The following OSBPL1A variants were observed in gnomAD, a reference collection of about 807,000 sequenced individuals.
OSBPL1A encodes oxysterol binding protein like 1A.
A neutral mutation model predicts 137.1 loss-of-function variants in OSBPL1A; 80 were observed. The observed-to-expected ratio is 0.58, with a 90% CI of 0.49 to 0.70. OSBPL1A has a LOEUF of 0.70. Ranked by LOEUF, OSBPL1A falls within the 30% of genes least tolerant of loss-of-function variation. The pLI is 0.00. For synonymous variants in OSBPL1A, 365 were observed against 389.7 expected, an observed-to-expected ratio of 0.94 and a Z score of 0.75; for missense variants, 970 against 1,129.4, an observed-to-expected ratio of 0.86 and a Z score of 2.02.
chr18:24,221,410 G>A (rs1211628893), intron 17 of OSBPL1A, among the ~76,000 whole-genome samples: 1 of 152,140 alleles, frequency 6.6e-6, no homozygotes, highest in Non-Finnish European at 1.5e-5. Flanking sequence ...AAACCTCTCA[G>A]GTTCTTAGCC....
intron 24 of OSBPL1A, among the ~76,000 whole-genome samples, chr18:24,168,554 T>A (rs1383400522): frequency 6.6e-6 from 1 of 152,044 alleles, no homozygotes; most frequent in Non-Finnish European, 1.5e-5. Flanking sequence ...CGAGGAGAGG[T>A]CACGACCGCT....
intron 27 of OSBPL1A, among the ~76,000 whole-genome samples, chr18:24,164,260 C>T (rs1170716389): frequency 6.6e-6 from 1 of 151,882 alleles, no homozygotes; most frequent in African/African-American, 2.4e-5. Context: ...ATGAGGGAAA[C>T]GTGAATAAAA....
intron 14 of OSBPL1A, among the ~76,000 whole-genome samples, chr18:24,291,348 A>G (rs530966042): frequency 3.1e-4 from 47 of 152,306 alleles, no homozygotes; most frequent in African/African-American, 1.1e-3. Context: ...AATTTCTAGA[A>G]TTATAAAATA....
chr18:24,350,067 T>C (rs1339362106), intron 4 of OSBPL1A, among the ~76,000 whole-genome samples: 1 of 152,204 alleles, frequency 6.6e-6, no homozygotes, highest in Non-Finnish European at 1.5e-5. Context: ...ATTTTTTAGC[T>C]CGGCATATGG....
In OSBPL1A at chr18:24,264,700, T is replaced by C. The variant is rs138961820; in HGVS notation, c.1281+16142A>G. ...GCCATCTGCTTATCTTATTTCTAAA[T>C]GTGGCATCCTTTGGTCAAATTGAGA... On this transcript the variant is annotated intron_variant, in intron 15 of 27. Transcript: ENST00000319481. Among the ~76,000 whole-genome samples, 731 of 152,346 alleles carry C rather than the reference T, an allele frequency of 4.8e-3. 6 individuals carry two copies. Among genetic ancestry groups the C allele is most frequent in the African/African-American group, 0.017 (706 of 41,584 alleles).
chr18:24,304,305 T>C (rs1012003369), intron 13 of OSBPL1A, among the ~76,000 whole-genome samples: 1 of 152,188 alleles, frequency 6.6e-6, no homozygotes, highest in South Asian at 2.1e-4. Context: ...AATTTGAAAG[T>C]TCTACATTTT....
chr18:24,323,539 C>CTTTTTTTTTTTT (rs763234169), intron 7 of OSBPL1A, among the ~76,000 whole-genome samples: 11 of 35,154 alleles, frequency 3.1e-4, no homozygotes, highest in East Asian at 1.7e-3. Context: ...GAGGCTTTTT[C>CTTTTTTTTTTTT]TTTTTTTTTT....
At chr18:24,372,191 C>T (rs1012786606) in intron 2 of OSBPL1A, among the ~76,000 whole-genome samples, 24 of 151,582 alleles carry the variant, frequency 1.6e-4, no homozygotes, top group African/African-American at 5.8e-4. Flanking sequence ...GGGAGGATCA[C>T]TTGAGCCTGG....
At chr18:24,297,672 T>C (rs376727779) in intron 14 of OSBPL1A, among the ~76,000 whole-genome samples, 1 of 152,244 alleles carries the variant, frequency 6.6e-6, no homozygotes, top group East Asian at 1.9e-4. Flanking sequence ...AAACATATTA[T>C]TTAATTTCCA....
intron 7 of OSBPL1A, among the ~76,000 whole-genome samples, chr18:24,321,254 A>C (rs957968870): frequency 1.3e-5 from 2 of 152,164 alleles, no homozygotes; most frequent in Non-Finnish European, 1.5e-5. Context: ...TTGTGCAACT[A>C]TCACATGCTT....
In OSBPL1A at chr18:24,167,320, C is replaced by G; in HGVS notation, c.2535+9G>C. On this transcript the variant is annotated intron_variant, in intron 25 of 27. Transcript: ENST00000319481. The stretch of plus-strand genomic sequence containing the variant: ...ACAGTGAGGCCACAGCCAGCAAGCC[C>G]AGTCTCACCTGGGCAGAATTTGGAG... The G allele has an allele frequency of 6.2e-7, 1 of 1,611,090 alleles. No individual in the cohort carries two copies. The highest frequency in any genetic ancestry group is 1.1e-5 in the South Asian group (1 of 91,028).
At chr18:24,334,939 G>C (rs1364766127) in intron 5 of OSBPL1A, among the ~76,000 whole-genome samples, 1 of 152,154 alleles carries the variant, frequency 6.6e-6, no homozygotes, top group African/African-American at 2.4e-5. Context: ...GCCCAGGCTG[G>C]AGTGCAGTGG....
chr18:24,173,658 C>A (rs563837629), intron 21 of OSBPL1A, among the ~76,000 whole-genome samples: 1 of 152,210 alleles, frequency 6.6e-6, no homozygotes, highest in Non-Finnish European at 1.5e-5. Flanking sequence ...GGTGATCCAC[C>A]CGCCTTGGCC....
intron 13 of OSBPL1A, among the ~76,000 whole-genome samples, chr18:24,309,505 T>G (rs2090573655): frequency 6.6e-6 from 1 of 152,212 alleles, no homozygotes; most frequent in Non-Finnish European, 1.5e-5. Flanking sequence ...AAATCAGTTT[T>G]GTTGTTAATT....
At chr18:24,341,738 TAC>T (rs1568039571) in intron 4 of OSBPL1A, 80 bp from the exon 5 acceptor site, 1 of 847,128 alleles carries the variant, frequency 1.2e-6, no homozygotes, top group Non-Finnish European at 1.9e-6. Flanking sequence ...TACTAACTAC[TAC>T]AGAGTCTCCA....
At chr18:24,254,889 A>G (rs1411191608) in intron 15 of OSBPL1A, among the ~76,000 whole-genome samples, 1 of 152,180 alleles carries the variant, frequency 6.6e-6, no homozygotes, top group Non-Finnish European at 1.5e-5. Flanking sequence ...TGAGGAAAAT[A>G]GAAAGATCAA....
intron 18 of OSBPL1A, among the ~76,000 whole-genome samples, chr18:24,195,153 T>C (rs938340114): frequency 1.3e-5 from 2 of 151,796 alleles, no homozygotes; most frequent in African/African-American, 4.8e-5. Flanking sequence ...ACAAAAAAAT[T>C]AGCCAGGTGT....
At chr18:24,231,045 G>A (rs546348915) in intron 16 of OSBPL1A, among the ~76,000 whole-genome samples, 2 of 152,200 alleles carry the variant, frequency 1.3e-5, no homozygotes, top group South Asian at 4.2e-4. Context: ...AAGCCCAGGA[G>A]TTTGAGACTG....
At position 24,172,498 on chromosome 18, in the gene OSBPL1A, C is replaced by A. The variant is rs1247966532; in HGVS notation, c.2094-15G>T. The A allele has an allele frequency of 1.3e-6, 2 of 1,570,828 alleles. No homozygotes were observed. Among genetic ancestry groups the A allele is most frequent in the East Asian group, 4.5e-5 (2 of 44,642 alleles). On this transcript the variant is annotated splice_polypyrimidine_tract_variant and intron_variant, in intron 21 of 27. Transcript: ENST00000319481. ...CCTCATTGTGTCTAAAAAACAAAACCAAACCCAGAAGCATAAGTGAGAGGT... is the reference window on the plus strand; with the variant it reads ...CCTCATTGTGTCTAAAAAACAAAACAAAACCCAGAAGCATAAGTGAGAGGT...
Sources: allele counts gnomAD v4.1 joint callset (sites outside exome capture counted in the v4.1 genomes callset), GRCh38; gene constraint gnomAD v4.1.1; transcripts MANE v1.5; gene names NCBI Gene and HGNC (gene_info 2026-07-23, HGNC 2026-07-21).